CNTNAP2: variants seen among roughly 807,000 people sequenced by gnomAD.
CNTNAP2 encodes the protein contactin associated protein 2, also known as contactin-associated protein-like 2.
In CNTNAP2, 98 loss-of-function variants were observed where a neutral mutation model predicts 155.2. The ratio of observed to expected loss-of-function variants is 0.63; its 90% CI spans 0.54 to 0.75. The LOEUF is 0.75. Ranked by LOEUF, CNTNAP2 falls within the 30% of genes least tolerant of loss-of-function variation. The pLI is 0.00. For missense variants in CNTNAP2, 1,727 were observed against 1,688.1 expected, an observed-to-expected ratio of 1.02 and a Z score of -0.40; for synonymous variants, 651 against 631.2, an observed-to-expected ratio of 1.03 and a Z score of -0.47.
intron 8 of CNTNAP2, chr7:147,167,697 A>T (rs1802142154): frequency 6.4e-6 from 2 of 313,952 alleles, no homozygotes; most frequent in East Asian, 6.3e-5. Context: ...CATGTGGTTC[A>T]TCTGTGGGAT....
At chr7:146,439,770 C>T (rs1269198510) in intron 1 of CNTNAP2, among the ~76,000 whole-genome samples, 1 of 151,478 alleles carries the variant, frequency 6.6e-6, no homozygotes, top group East Asian at 1.9e-4. Context: ...AACACCTTTC[C>T]TTACATTGTA....
chr7:146,380,587 A>C (rs1795366993), intron 1 of CNTNAP2, among the ~76,000 whole-genome samples: 1 of 152,042 alleles, frequency 6.6e-6, no homozygotes, highest in South Asian at 2.1e-4. Flanking sequence ...TTTCTGGTGT[A>C]TTAAATGTAC....
chr7:148,139,768 T>A (rs1255240511), intron 16 of CNTNAP2, among the ~76,000 whole-genome samples: 1 of 152,130 alleles, frequency 6.6e-6, no homozygotes, highest in African/African-American at 2.4e-5. Flanking sequence ...CTCAAACTCC[T>A]GACCTCATAA....
rs1244362122 is a variant in CNTNAP2 at position 146,488,303 on chromosome 7, T to TCCTC, written c.98-285960_98-285957dup. Reference sequence around the variant, plus strand: ...TCCCTCCCTCCCTCCCTCCCTCCCTTCCTCCCTCCCTTCCTTCCTTCCTTC... The same window carrying TCCTC: ...TCCCTCCCTCCCTCCCTCCCTCCCTTCCTCCCTCCCTCCCTTCCTTCCTTCCTTC... On this transcript the variant is annotated intron_variant, in intron 1 of 23. Transcript: ENST00000361727. Among the ~76,000 whole-genome samples, 3 of 89,562 alleles carry TCCTC rather than the reference T, an allele frequency of 3.3e-5. No homozygotes were observed. In the South Asian group the frequency reaches 1.2e-3, roughly 36 times the overall value. The allele number at this position is 89,562 out of a possible 152,430, so 58.8% of individuals were successfully genotyped here.
At chr7:147,906,089 G>A (rs1273557207) in intron 14 of CNTNAP2, among the ~76,000 whole-genome samples, 1 of 152,150 alleles carries the variant, frequency 6.6e-6, no homozygotes, top group African/African-American at 2.4e-5. Flanking sequence ...GGGCCAGGCT[G>A]GGGAACTGTC....
intron 1 of CNTNAP2, among the ~76,000 whole-genome samples, chr7:146,311,360 G>C (rs538008144): frequency 3.5e-4 from 54 of 152,130 alleles, no homozygotes; most frequent in African/African-American, 1.2e-3. Context: ...TCATTTCTAC[G>C]CCACAAATAC....
intron 9 of CNTNAP2, among the ~76,000 whole-genome samples, chr7:147,323,582 G>A (rs927877383): frequency 5.9e-5 from 9 of 151,662 alleles, no homozygotes; most frequent in Non-Finnish European, 1.2e-4. Context: ...TTCTGTAGAT[G>A]TCTATTAGGT....
At chr7:146,364,786 CT>C (rs34943269) in intron 1 of CNTNAP2, among the ~76,000 whole-genome samples, 2 of 152,144 alleles carry the variant, frequency 1.3e-5, no homozygotes, top group African/African-American at 2.4e-5. Context: ...CAGTGTTCTG[CT>C]TTTTGGAAGA....
chr7:146,721,022 T>TAC (rs71525966), intron 1 of CNTNAP2, among the ~76,000 whole-genome samples: 1 of 120,442 alleles, frequency 8.3e-6, no homozygotes, highest in African/African-American at 4.2e-5. Flanking sequence ...ACTCTATATA[T>TAC]TATATATACT....
intron 1 of CNTNAP2, among the ~76,000 whole-genome samples, chr7:146,273,490 C>T (rs772868325): frequency 5.9e-5 from 9 of 151,998 alleles, no homozygotes; most frequent in African/African-American, 1.4e-4. Flanking sequence ...ACAAAATCAG[C>T]CATGGATTAT....
chr7:147,326,176 G>A lies in CNTNAP2; in HGVS notation c.1498+25886G>A, dbSNP rs1397085603. Among the ~76,000 whole-genome samples the A allele has an allele frequency of 4.6e-5, 7 of 152,146 alleles. No individual in the cohort carries two copies. The South Asian group carries it at 1.0e-3, about 23-fold the overall frequency. On this transcript the variant is annotated intron_variant, in intron 9 of 23. Coordinates refer to ENST00000361727, the MANE Select transcript of CNTNAP2 (RefSeq NM_014141.6). Reference sequence around the variant, plus strand: ...CCTGACCTGGTGATCCGCCCGCCTTGGCCTCCCAAAGTGCTGGGATTACAG... The same window carrying A: ...CCTGACCTGGTGATCCGCCCGCCTTAGCCTCCCAAAGTGCTGGGATTACAG...
chr7:146,376,526 C>T (rs1343402858), intron 1 of CNTNAP2, among the ~76,000 whole-genome samples: 1 of 152,104 alleles, frequency 6.6e-6, no homozygotes, highest in Non-Finnish European at 1.5e-5. Flanking sequence ...ATCAAAACTT[C>T]TTGTAAGAGT....
At chr7:148,388,543 A>C (rs1046114066) in intron 22 of CNTNAP2, among the ~76,000 whole-genome samples, 7 of 152,158 alleles carry the variant, frequency 4.6e-5, no homozygotes, top group African/African-American at 1.7e-4. Flanking sequence ...CCAGTCTATC[A>C]TTGTTGGACA....
At chr7:147,106,720 A>C (rs989884612) in intron 4 of CNTNAP2, among the ~76,000 whole-genome samples, 10 of 152,178 alleles carry the variant, frequency 6.6e-5, no homozygotes, top group African/African-American at 2.4e-4. Flanking sequence ...ATTTTATTCG[A>C]AGTAACTGTA....
intron 9 of CNTNAP2, 146 bp downstream of exon 9, chr7:147,300,436 A>T: frequency 1.1e-6 from 1 of 911,368 alleles, no homozygotes; most frequent in South Asian, 1.6e-5. Flanking sequence ...TGAGCAAAAC[A>T]AAAAAAGAAA....
chr7:147,650,704 A>G (rs1006019845), intron 13 of CNTNAP2, among the ~76,000 whole-genome samples: 1 of 152,078 alleles, frequency 6.6e-6, no homozygotes, highest in Non-Finnish European at 1.5e-5. Flanking sequence ...ACAGTAGGCT[A>G]TTGGTAGTTA....
At chr7:148,119,493 G>A (rs542012196) in intron 16 of CNTNAP2, among the ~76,000 whole-genome samples, 9 of 152,088 alleles carry the variant, frequency 5.9e-5, no homozygotes, top group South Asian at 4.1e-4. Context: ...CCTAGATTGC[G>A]CCACTGCACT....
chr7:147,379,771 G>GAA lies in CNTNAP2; in HGVS notation c.1499-15838_1499-15837insAA, dbSNP rs1796502373. 3.9e-5 allele frequency among the ~76,000 whole-genome samples: 6 copies of GAA among 152,014 alleles called. No homozygotes were observed. The South Asian group carries it at 1.0e-3, about 26-fold the overall frequency. On this transcript the variant is annotated intron_variant, in intron 9 of 23. Coordinates refer to ENST00000361727, the MANE Select transcript of CNTNAP2 (RefSeq NM_014141.6). ...TATGTGGTGGGGCTAGGGGCGTGAG[G>GAA]GAGTTCCTATTCTTTGCACAGGTCT...
At chr7:147,342,280 C>T (rs1399086702) in intron 9 of CNTNAP2, among the ~76,000 whole-genome samples, 3 of 152,074 alleles carry the variant, frequency 2.0e-5, no homozygotes, top group Non-Finnish European at 4.4e-5. Context: ...TATTTGCTAA[C>T]TTATAAGGCT....
Sources: gnomAD v4.1 joint callset for allele counts (sites outside exome capture counted in the v4.1 genomes callset) on GRCh38, gnomAD v4.1.1 for gene constraint, MANE v1.5 for transcripts, NCBI Gene and HGNC (gene_info 2026-07-23, HGNC 2026-07-21) for gene names.